The following CRBN variants were observed in gnomAD, a reference collection of about 807,000 sequenced individuals.
CRBN encodes protein cereblon.
Under a neutral mutation model 62.2 loss-of-function variants are expected in CRBN, and 53 were observed. The observed-to-expected ratio is 0.85, with a 90% CI of 0.68 to 1.07. CRBN has a LOEUF of 1.07. Among genes scored for constraint, CRBN ranks in the 50% least tolerant of loss-of-function variants. The pLI is 0.00. For missense variants in CRBN, 616 were observed against 531.1 expected (o/e 1.16, Z -1.57); for synonymous variants, 208 against 176.1 (o/e 1.18, Z -1.43).
rs1270029708 is a variant in CRBN at position 3,150,671 on chromosome 3, A to T, written c.*194T>A. 1 of 561,520 alleles carries T rather than the reference A, an allele frequency of 1.8e-6. No homozygotes were observed. The highest frequency in any genetic ancestry group is 3.1e-6 in the Non-Finnish European group (1 of 319,880). The allele number at this position is 561,520 out of a possible 1,614,324, so 34.8% of individuals were successfully genotyped here. On this transcript the variant is annotated 3_prime_UTR_variant, in exon 11 of 11. Coordinates refer to ENST00000231948, the MANE Select transcript of CRBN (RefSeq NM_016302.4). ...TTTCTGGTATTCTAGACTGCCGTTC[A>T]TGCTTGTTTCCTAAAGTATACTTAA...
chr3:3,159,074 A>G (rs749677407), intron 5 of CRBN, among the ~76,000 whole-genome samples: 1 of 152,186 alleles, frequency 6.6e-6, no homozygotes, highest in Non-Finnish European at 1.5e-5. Context: ...CCCTTCTGCC[A>G]TGATGGTAAG....
chr3:3,173,893 C>T (rs1707725627), intron 3 of CRBN, 166 bp downstream of exon 3: 1 of 657,610 alleles, frequency 1.5e-6, no homozygotes, highest in South Asian at 1.7e-5. Context: ...AACAAAAATA[C>T]TCCAACTTGC....
chr3:3,162,238 G>T (rs1707170088), intron 5 of CRBN, among the ~76,000 whole-genome samples: 1 of 152,140 alleles, frequency 6.6e-6, no homozygotes, highest in Non-Finnish European at 1.5e-5. Flanking sequence ...ATATGAATAA[G>T]CAGATGGTCT....
At chr3:3,171,640 T>C (rs972275240) in intron 4 of CRBN, among the ~76,000 whole-genome samples, 2 of 152,184 alleles carry the variant, frequency 1.3e-5, no homozygotes, top group Admixed American at 6.5e-5. Context: ...CATGCCTCTA[T>C]GCTCTCTTTA....
In CRBN at chr3:3,172,830, T is replaced by G. The variant is rs1707675750; in HGVS notation, c.473A>C (p.Lys158Thr). The change falls in exon 4 of 11, where the codon AAA (lysine) becomes ACA (threonine). Residue 158 changes from lysine (K) to threonine (T), a missense_variant. Physicochemically the swap from Lys to Thr is moderately conservative, Grantham distance 78. Coordinates refer to ENST00000231948, the MANE Select transcript of CRBN (RefSeq NM_016302.4). ...TTTGAACCTTTGTCTTCCAATTGCT[T>G]TCACTTTCACTATCTCAATTCCAAA... ...QDFGIEIVKV[K>T]AIGRQRFKVL... is the part of the protein sequence containing the mutation. 1.2e-6 allele frequency: 2 copies of G among 1,613,888 alleles called. No individual in the cohort carries two copies. The highest frequency in any genetic ancestry group is 1.7e-6 in the Non-Finnish European group (2 of 1,179,856).
intron 5 of CRBN, among the ~76,000 whole-genome samples, chr3:3,164,883 T>C (rs1707269385): frequency 6.6e-6 from 1 of 152,232 alleles, no homozygotes; most frequent in African/African-American, 2.4e-5. Flanking sequence ...AGATAGTGAT[T>C]CCTCTGATGG....
chr3:3,155,972 A>G, intron 6 of CRBN: 1 of 434,608 alleles, frequency 2.3e-6, no homozygotes, highest in Non-Finnish European at 4.2e-6. Flanking sequence ...AAACCTGGCT[A>G]ATTTTTGTAT....
At chr3:3,151,378 C>G (rs1706536992) in intron 10 of CRBN, among the ~76,000 whole-genome samples, 1 of 152,180 alleles carries the variant, frequency 6.6e-6, no homozygotes, top group South Asian at 2.1e-4. Flanking sequence ...CTAACTTGTA[C>G]TGGCTTTTCC....
Position 3,175,233 on chromosome 3 carries a change from TCTTC to T in CRBN, c.100_103del (p.Glu34ThrfsTer13). The stretch of plus-strand genomic sequence containing the variant: ...TTTTTTGGCTTCTTTACTATCCTGG[TCTTC>T]AACTTCCATTTCATCTTCTTCCTCA... On this transcript the variant is annotated frameshift_variant, in exon 2 of 11. Transcript: ENST00000231948. LOFTEE classifies it high-confidence loss of function. 1 of 1,613,372 alleles carries T rather than the reference TCTTC, an allele frequency of 6.2e-7. No individual in the cohort carries two copies. Among genetic ancestry groups the T allele is most frequent in the Non-Finnish European group, 8.5e-7 (1 of 1,179,460 alleles).
intron 10 of CRBN, 138 bp downstream of exon 10, chr3:3,152,318 A>C (rs1191816074): frequency 2.1e-6 from 2 of 958,430 alleles, no homozygotes; most frequent in Admixed American, 2.4e-5. Flanking sequence ...ATACCCGGCT[A>C]ATTTTTGTAG....
At chr3:3,159,626 C>G (rs1400834097) in intron 5 of CRBN, among the ~76,000 whole-genome samples, 1 of 152,186 alleles carries the variant, frequency 6.6e-6, no homozygotes, top group Non-Finnish European at 1.5e-5. Context: ...CAGGTAGCTT[C>G]TTTTCAGAGT....
chr3:3,149,933 G>GAGGT (rs1706378561), downstream of CRBN: 2 of 152,142 alleles, frequency 1.3e-5, no homozygotes, highest in African/African-American at 4.8e-5. Context: ...TATAAGCAAA[G>GAGGT]AGGTAGGTGG....
intron 6 of CRBN, chr3:3,155,127 T>TAATAGAAGGAAATG (rs1219965396): frequency 4.9e-6 from 2 of 408,062 alleles, no homozygotes; most frequent in Non-Finnish European, 8.9e-6. Flanking sequence ...GCCTCTCTTC[T>TAATAGAAGGAAATG]GCCTTCTATT....
intron 4 of CRBN, among the ~76,000 whole-genome samples, chr3:3,168,603 A>C (rs965545267): frequency 6.6e-6 from 1 of 152,210 alleles, no homozygotes; most frequent in African/African-American, 2.4e-5. Context: ...TCAGACTGAC[A>C]AAGTCAAATA....
At chr3:3,154,550 G>T in intron 7 of CRBN, 197 bp downstream of exon 7, 1 of 578,898 alleles carries the variant, frequency 1.7e-6, no homozygotes. Flanking sequence ...AGTGCTCACA[G>T]AATATGAGGA....
intron 4 of CRBN, among the ~76,000 whole-genome samples, chr3:3,168,865 G>A (rs1015978077): frequency 2.1e-4 from 32 of 151,972 alleles, no homozygotes; most frequent in East Asian, 7.7e-4. Context: ...ACATGACTTC[G>A]GAAAATGTTA....
chr3:3,161,217 C>CTTT (rs1183386974), intron 5 of CRBN, among the ~76,000 whole-genome samples: 3 of 152,070 alleles, frequency 2.0e-5, no homozygotes, highest in African/African-American at 7.2e-5. Context: ...ATTACAGAGA[C>CTTT]TATAAAGCTT....
rs1707408693 is a variant in CRBN at position 3,167,776 on chromosome 3, A to C, written c.545T>G (p.Val182Gly). The change falls in exon 5 of 11, where the codon GTG (valine) becomes GGG (glycine). Residue 182 changes from valine to glycine, a missense_variant. By Grantham distance (109) the Val-to-Gly change is moderately radical. Transcript: ENST00000231948. ...CAACACACATTCGGGAAGAATTTGC[A>C]CTTTAGCTTGCTGGATTCTAAAATA... ...TQSDGIQQAK[V>G]QILPECVLPS... 6.2e-7 allele frequency: 1 copy of C among 1,613,410 alleles called. No homozygotes were observed. Among genetic ancestry groups the C allele is most frequent in the African/African-American group, 1.3e-5 (1 of 74,902 alleles).
chr3:3,160,194 CAT>C (rs1175338973), intron 5 of CRBN, among the ~76,000 whole-genome samples: 2 of 152,270 alleles, frequency 1.3e-5, no homozygotes, highest in East Asian at 1.9e-4. Context: ...ATGTTCAAAA[CAT>C]GTGAAACTCC....
Sources: allele counts gnomAD v4.1 joint callset (sites outside exome capture counted in the v4.1 genomes callset), GRCh38; gene constraint gnomAD v4.1.1; transcripts MANE v1.5; gene names NCBI Gene and HGNC (gene_info 2026-07-23, HGNC 2026-07-21).